Variants in IL1RAPL1 observed in about 807,000 individuals in gnomAD.
IL1RAPL1 encodes interleukin-1 receptor accessory protein-like 1.
A neutral mutation model predicts 48.4 loss-of-function variants in IL1RAPL1; 3 were observed. The observed-to-expected ratio is 0.06, with a 90% confidence interval of 0.03 to 0.16. The LOEUF is 0.16. IL1RAPL1 is among the 10% of genes least tolerant of loss of function. IL1RAPL1 has a pLI of 1.00. For synonymous variants in IL1RAPL1, 185 were observed against 187.7 expected (o/e 0.99, Z 0.12); for missense variants, 349 against 530.6 (o/e 0.66, Z 3.36).
intron 5 of IL1RAPL1, among the ~76,000 whole-genome samples, chrX:29,494,316 G>A (rs1248254419): frequency 8.9e-6 from 1 of 111,791 alleles, no homozygotes; most frequent in Admixed American, 9.4e-5. Context: ...TCTTTTTTAT[G>A]GATGTATAAT....
intron 6 of IL1RAPL1, among the ~76,000 whole-genome samples, chrX:29,871,181 C>T (rs1354057736): frequency 4.5e-5 from 5 of 111,752 alleles, no homozygotes; most frequent in South Asian, 3.8e-4. Context: ...CTGATCACAG[C>T]GGGACAGATT....
At chrX:29,613,496 C>T (rs973832066) in intron 5 of IL1RAPL1, among the ~76,000 whole-genome samples, 8 of 110,916 alleles carry the variant, frequency 7.2e-5, no homozygotes, top group African/African-American at 2.6e-4. Flanking sequence ...AATAACAATT[C>T]GATCCCTCCT....
intron 5 of IL1RAPL1, among the ~76,000 whole-genome samples, chrX:29,545,938 A>G (rs1253836170): frequency 1.8e-5 from 2 of 111,550 alleles, no homozygotes; most frequent in Non-Finnish European, 3.8e-5. Flanking sequence ...TAATCTCCCT[A>G]CTAGAAATTC....
intron 1 of IL1RAPL1, among the ~76,000 whole-genome samples, chrX:28,663,469 A>G (rs1035103444): frequency 8.9e-6 from 1 of 111,966 alleles, no homozygotes; most frequent in Non-Finnish European, 1.9e-5. Context: ...TAATTTTAAA[A>G]CGGGATTGTA....
chrX:28,992,392 A>G (rs542960389), intron 2 of IL1RAPL1, among the ~76,000 whole-genome samples: 114 of 105,942 alleles, frequency 1.1e-3, no homozygotes, highest in African/African-American at 3.7e-3. Flanking sequence ...TGGGATGCTG[A>G]GGCAGGAGAA....
At chrX:28,737,174 C>T (rs1569161834) in intron 1 of IL1RAPL1, among the ~76,000 whole-genome samples, 10 of 42,269 alleles carry the variant, frequency 2.4e-4, no homozygotes, top group African/African-American at 7.7e-4. Context: ...TCCTTCCTTC[C>T]TTCCTTTCTT....
chrX:29,562,062 A>G (rs1328692712), intron 5 of IL1RAPL1, among the ~76,000 whole-genome samples: 2 of 104,193 alleles, frequency 1.9e-5, no homozygotes, highest in Non-Finnish European at 3.9e-5. Context: ...CTATCTATCT[A>G]TCTATCTATC....
At chrX:29,793,665 A>G (rs1929682655) in intron 6 of IL1RAPL1, among the ~76,000 whole-genome samples, 1 of 112,089 alleles carries the variant, frequency 8.9e-6, no homozygotes, top group African/African-American at 3.2e-5. Context: ...ATTATCACAA[A>G]AATGATCCAT....
intron 2 of IL1RAPL1, among the ~76,000 whole-genome samples, chrX:29,228,372 T>A (rs767959625): frequency 4.3e-4 from 44 of 103,355 alleles, no homozygotes; most frequent in Non-Finnish European, 6.5e-4. Flanking sequence ...TGTGTGTGTG[T>A]GAGACAGAGT....
chrX:29,208,851 A>G (rs1205632492), intron 2 of IL1RAPL1, among the ~76,000 whole-genome samples: 1 of 110,697 alleles, frequency 9.0e-6, no homozygotes, highest in Non-Finnish European at 1.9e-5. Flanking sequence ...GATGGAGAGT[A>G]AAGTGTTGGC....
At chrX:29,249,969 G>A (rs1014848773) in intron 2 of IL1RAPL1, among the ~76,000 whole-genome samples, 4 of 111,999 alleles carry the variant, frequency 3.6e-5, no homozygotes, top group South Asian at 3.6e-4. Context: ...AATTGGTAAT[G>A]TAAAATGTTA....
chrX:29,245,818 G>A (rs912163426), intron 2 of IL1RAPL1, among the ~76,000 whole-genome samples: 2 of 110,831 alleles, frequency 1.8e-5, no homozygotes, highest in African/African-American at 3.3e-5. Flanking sequence ...TGTTGCCATC[G>A]CTTTTGGTGT....
intron 3 of IL1RAPL1, among the ~76,000 whole-genome samples, chrX:29,363,835 C>T (rs1933409818): frequency 9.4e-6 from 1 of 106,811 alleles, no homozygotes; most frequent in South Asian, 3.8e-4. Flanking sequence ...TCATGATGGA[C>T]CAAGCCCATG....
chrX:29,160,187 T>C (rs1218338358), intron 2 of IL1RAPL1, among the ~76,000 whole-genome samples: 1 of 112,221 alleles, frequency 8.9e-6, no homozygotes, highest in Non-Finnish European at 1.9e-5. Context: ...AGTTTTACTA[T>C]TTTAGTTTTC....
At chrX:29,711,808 A>AT (rs900664232) in intron 6 of IL1RAPL1, among the ~76,000 whole-genome samples, 1 of 111,738 alleles carries the variant, frequency 8.9e-6, no homozygotes, top group Admixed American at 9.6e-5. Context: ...GTAAACCATG[A>AT]TTTTTTATTA....
chrX:29,859,202 G>C (rs1005667592), intron 6 of IL1RAPL1, among the ~76,000 whole-genome samples: 6 of 111,656 alleles, frequency 5.4e-5, no homozygotes, highest in African/African-American at 2.0e-4. Flanking sequence ...ATCTCTAGTT[G>C]AAACTTCTAT....
At chrX:29,531,375 G>A (rs368652303) in intron 5 of IL1RAPL1, among the ~76,000 whole-genome samples, 2 of 111,732 alleles carry the variant, frequency 1.8e-5, no homozygotes, top group South Asian at 3.8e-4. Context: ...AATAAGCATC[G>A]TAAGGACTGG....
intron 1 of IL1RAPL1, among the ~76,000 whole-genome samples, chrX:28,636,237 T>TA (rs1934463309): frequency 1.8e-5 from 2 of 111,684 alleles, no homozygotes. Context: ...CCAAATAAGT[T>TA]TACTCATTAA....
chrX:29,911,658 G>C (rs1932756993), intron 6 of IL1RAPL1, among the ~76,000 whole-genome samples: 1 of 112,117 alleles, frequency 8.9e-6, no homozygotes, highest in African/African-American at 3.2e-5. Context: ...ACTCATCAGT[G>C]ATGTAAATGA....
Sources: allele counts gnomAD v4.1 joint callset (sites outside exome capture counted in the v4.1 genomes callset), GRCh38; gene constraint gnomAD v4.1.1; transcripts MANE v1.5; gene names NCBI Gene and HGNC (gene_info 2026-07-23, HGNC 2026-07-21).